MAST4: variants seen among roughly 807,000 people sequenced by gnomAD.
The protein encoded by MAST4 is microtubule associated serine/threonine kinase family member 4.
A neutral mutation model predicts 162.7 loss-of-function variants in MAST4; 89 were observed. That is an observed-to-expected ratio of 0.55 (90% confidence interval 0.46 to 0.65). The LOEUF is 0.65. MAST4 is among the 30% of genes least tolerant of loss of function. MAST4 has a pLI of 0.00. For synonymous variants in MAST4, 1,479 were observed against 1,361.1 expected, an observed-to-expected ratio of 1.09 and a Z score of -1.91; for missense variants, 3,153 against 3,374.0, an observed-to-expected ratio of 0.93 and a Z score of 1.62.
At chr5:66,722,792 G>A (rs1006411291) in intron 1 of MAST4, among the ~76,000 whole-genome samples, 1 of 152,172 alleles carries the variant, frequency 6.6e-6, no homozygotes, top group Non-Finnish European at 1.5e-5. Flanking sequence ...AGAGATGACT[G>A]GTTAGGGAGG....
At chr5:67,109,415 C>T (rs879881710) in intron 10 of MAST4, among the ~76,000 whole-genome samples, 37 of 152,128 alleles carry the variant, frequency 2.4e-4, no homozygotes, top group African/African-American at 8.4e-4. Context: ...GTACATGAAA[C>T]ATAAATGAAT....
At chr5:66,631,244 T>C (rs1258226828) in intron 1 of MAST4, among the ~76,000 whole-genome samples, 1 of 152,208 alleles carries the variant, frequency 6.6e-6, no homozygotes, top group Non-Finnish European at 1.5e-5. Context: ...TGGACTGAAC[T>C]GACTTTTTGT....
chr5:66,676,580 A>T (rs1010505657), intron 1 of MAST4, among the ~76,000 whole-genome samples: 1 of 152,212 alleles, frequency 6.6e-6, no homozygotes, highest in Non-Finnish European at 1.5e-5. Context: ...GAAAGTCTTA[A>T]TAGAGAGCAA....
intron 1 of MAST4, among the ~76,000 whole-genome samples, chr5:66,637,226 A>G (rs1388225620): frequency 1.4e-5 from 2 of 139,334 alleles, no homozygotes; most frequent in African/African-American, 5.5e-5. Context: ...TATTGGGCAT[A>G]GGATTATTTC....
intron 1 of MAST4, among the ~76,000 whole-genome samples, chr5:66,692,824 T>C (rs1423768043): frequency 2.0e-5 from 3 of 152,138 alleles, no homozygotes; most frequent in African/African-American, 7.2e-5. Flanking sequence ...TCAAAGTATA[T>C]ATATACTTCA....
intron 5 of MAST4, among the ~76,000 whole-genome samples, chr5:67,075,803 A>G (rs1335012253): frequency 6.6e-6 from 1 of 152,184 alleles, no homozygotes; most frequent in Non-Finnish European, 1.5e-5. Flanking sequence ...TTAAAATCAT[A>G]CTATGAAATG....
chr5:66,597,094 A>G (rs1742230916), intron 1 of MAST4, 76 bp downstream of exon 1: 2 of 1,310,764 alleles, frequency 1.5e-6, no homozygotes, highest in African/African-American at 1.5e-5. Context: ...GCGCACAGGC[A>G]GTGGGCAGGA....
chr5:67,152,262 A>G (rs1211262664), intron 24 of MAST4, among the ~76,000 whole-genome samples: 2 of 152,236 alleles, frequency 1.3e-5, no homozygotes, highest in Non-Finnish European at 2.9e-5. Flanking sequence ...AAATATATGC[A>G]TCTATGATTT....
At chr5:66,690,015 A>G in intron 1 of MAST4, among the ~76,000 whole-genome samples, 1 of 152,190 alleles carries the variant, frequency 6.6e-6, no homozygotes, top group Non-Finnish European at 1.5e-5. Flanking sequence ...AACTTTGAAC[A>G]GCTGGAATCC....
At chr5:66,736,280 G>T (rs1005114598) in intron 1 of MAST4, among the ~76,000 whole-genome samples, 4 of 151,600 alleles carry the variant, frequency 2.6e-5, no homozygotes, top group African/African-American at 9.7e-5. Flanking sequence ...AATGCCAGGA[G>T]ATGGAGAATA....
chr5:66,648,113 T>G (rs1745985616), intron 1 of MAST4, among the ~76,000 whole-genome samples: 1 of 149,804 alleles, frequency 6.7e-6, no homozygotes, highest in Non-Finnish European at 1.5e-5. Flanking sequence ...AGATTTAGTA[T>G]TTCCTCTTTA....
Position 67,169,165 on chromosome 5 carries a change from T to C in MAST4, c.*2114T>C, listed in dbSNP as rs2151157411. The C allele has an allele frequency of 6.6e-6, 1 of 152,362 alleles. No homozygotes were observed. The highest frequency in any genetic ancestry group is 2.1e-4 in the South Asian group (1 of 4,828). 9.4% of individuals were successfully genotyped at this position (152,362 alleles called of 1,614,324 possible). The stretch of plus-strand genomic sequence containing the variant: ...GTTCATGGTTTACAAGCCTTTGCTT[T>C]TTAACTGTCCAATTTCCTTTAAAGC... On this transcript the variant is annotated 3_prime_UTR_variant, in exon 29 of 29. Coordinates refer to ENST00000403625, the MANE Select transcript of MAST4 (RefSeq NM_001164664.2).
intron 4 of MAST4, among the ~76,000 whole-genome samples, chr5:66,942,680 G>C (rs1247870164): frequency 6.6e-6 from 1 of 152,014 alleles, no homozygotes; most frequent in African/African-American, 2.4e-5. Flanking sequence ...AATGTTTATT[G>C]ATCTCTTCCT....
chr5:67,035,624 G>A (rs1755919045), intron 4 of MAST4, among the ~76,000 whole-genome samples: 1 of 152,114 alleles, frequency 6.6e-6, no homozygotes. Flanking sequence ...AAACTGGGAT[G>A]TGGTCCTCCT....
chr5:66,946,744 T>C (rs1186040213), intron 4 of MAST4, among the ~76,000 whole-genome samples: 1 of 152,206 alleles, frequency 6.6e-6, no homozygotes, highest in African/African-American at 2.4e-5. Flanking sequence ...AAAAGTTCAG[T>C]CTAAATTCTT....
chr5:66,756,343 C>G lies in MAST4; in HGVS notation c.364-3366C>G, dbSNP rs549443567. On this transcript the variant is annotated intron_variant, in intron 1 of 28. Coordinates refer to ENST00000403625, the MANE Select transcript of MAST4 (RefSeq NM_001164664.2). ...ATGCAAGATACTTTGTGGCCAGCAGCATGTAGGTGACCACGGAGTAGGACC... is the reference window on the plus strand; with the variant it reads ...ATGCAAGATACTTTGTGGCCAGCAGGATGTAGGTGACCACGGAGTAGGACC... 3.5e-4 allele frequency among the ~76,000 whole-genome samples: 54 copies of G among 152,312 alleles called. 1 individual carries two copies. The highest frequency in any genetic ancestry group is 1.2e-3 in the African/African-American group (51 of 41,558).
chr5:66,982,393 T>C (rs956077013), intron 4 of MAST4, among the ~76,000 whole-genome samples: 7 of 152,224 alleles, frequency 4.6e-5, no homozygotes, highest in African/African-American at 1.7e-4. Context: ...TATCGAGTGA[T>C]CTGAATGTGT....
rs558797796 is a variant in MAST4 at position 67,165,355 on chromosome 5, C to G, written c.6176C>G (p.Ser2059Cys). The G allele has an allele frequency of 6.2e-7, 1 of 1,613,002 alleles. No individual in the cohort carries two copies. The highest frequency in any genetic ancestry group is 1.3e-5 in the African/African-American group (1 of 74,904). ...GEARPPPRDN[S>C]SLHSAGIPCE... ...GCGAGGCCCCCGCCCAGAGACAACT[C>G]CTCTCTGCACTCAGCTGGAATTCCC... is the stretch of plus-strand genomic sequence containing the variant. The change falls in exon 29 of 29, where the codon TCC becomes TGC. Residue 2059 changes from serine to cysteine, a missense_variant. Around this residue, in one of 7 missense-constraint regions of MAST4, gnomAD observed 1,644 missense variants for 1,495.0 expected, o/e 1.10. Transcript: ENST00000403625.
chr5:66,650,436 A>G (rs1404698375), intron 1 of MAST4, among the ~76,000 whole-genome samples: 3 of 152,142 alleles, frequency 2.0e-5, no homozygotes, highest in African/African-American at 7.2e-5. Flanking sequence ...AGCCACCGAT[A>G]TGACATCACT....
Sources: gnomAD v4.1 joint callset for allele counts (sites outside exome capture counted in the v4.1 genomes callset) on GRCh38, gnomAD v4.1.1 for gene constraint, gnomAD v4.1.1 regional missense constraint, MANE v1.5 for transcripts, NCBI Gene and HGNC (gene_info 2026-07-23, HGNC 2026-07-21) for gene names.